Variants in CYRIA observed in about 807,000 individuals in gnomAD.
CYRIA encodes CYFIP related Rac1 interactor A, also known as CYFIP-related Rac1 interactor A.
CYRIA carries 15 observed loss-of-function variants against 43.9 expected under a neutral mutation model. The observed-to-expected ratio is 0.34, with a 90% CI of 0.23 to 0.53. The LOEUF (loss-of-function observed/expected upper bound fraction) is 0.53, where lower values mean the gene tolerates loss of function less well. Among genes scored for constraint, CYRIA ranks in the 20% least tolerant of loss-of-function variants. The pLI is 0.94. For synonymous variants in CYRIA, 117 were observed against 136.0 expected (o/e 0.86, Z 0.97); for missense variants, 236 against 394.2 (o/e 0.60, Z 3.40).
In CYRIA at chr2:16,551,590, G is replaced by A. The variant is rs527315964; in HGVS notation, c.*1346C>T. 6.6e-6 allele frequency: 1 copy of A among 152,128 alleles called. No homozygotes were observed. Among genetic ancestry groups the A allele is most frequent in the African/African-American group, 2.4e-5 (1 of 41,442 alleles). The allele number at this position is 152,128 out of a possible 1,614,324, so 9.4% of individuals were successfully genotyped here. A position where few individuals can be genotyped will look rare whatever the true frequency, so the allele number is the denominator to read the frequency against. On this transcript the variant is annotated 3_prime_UTR_variant, in exon 12 of 12. Coordinates refer to ENST00000381323, the MANE Select transcript of CYRIA (RefSeq NM_030797.4). Reference sequence around the variant, plus strand: ...GGAGGTCAGAATCAGAGATTTTCATGATTCCATTCGAACTAAGCTCTGATG... The same window carrying A: ...GGAGGTCAGAATCAGAGATTTTCATAATTCCATTCGAACTAAGCTCTGATG...
intron 3 of CYRIA, among the ~76,000 whole-genome samples, chr2:16,573,895 G>A (rs991454395): frequency 6.6e-6 from 1 of 152,036 alleles, no homozygotes; most frequent in Non-Finnish European, 1.5e-5. Context: ...GAACTAATAC[G>A]GTAAATTGGT....
At chr2:16,642,050 C>T (rs1411723338) in intron 1 of CYRIA, among the ~76,000 whole-genome samples, 1 of 152,194 alleles carries the variant, frequency 6.6e-6, no homozygotes, top group African/African-American at 2.4e-5. Context: ...TTAATATTGG[C>T]ACTTCCCAGG....
At chr2:16,648,756 A>G (rs1356410285) in intron 1 of CYRIA, among the ~76,000 whole-genome samples, 6 of 152,166 alleles carry the variant, frequency 3.9e-5, no homozygotes, top group South Asian at 4.1e-4. Flanking sequence ...TATCTACTAT[A>G]TATCAAGAAG....
At chr2:16,553,967 A>C (rs1459791467) in intron 11 of CYRIA, among the ~76,000 whole-genome samples, 2 of 152,166 alleles carry the variant, frequency 1.3e-5, no homozygotes, top group Admixed American at 1.3e-4. Context: ...AGGCTCTTAC[A>C]TTAATACTAA....
chr2:16,630,732 A>G (rs1004546875), intron 1 of CYRIA, among the ~76,000 whole-genome samples: 1 of 152,208 alleles, frequency 6.6e-6, no homozygotes, highest in African/African-American at 2.4e-5. Context: ...AAACCCAAGG[A>G]GACCAGCTTC....
intron 2 of CYRIA, among the ~76,000 whole-genome samples, chr2:16,603,169 C>A (rs1179676972): frequency 6.6e-6 from 1 of 152,164 alleles, no homozygotes; most frequent in Non-Finnish European, 1.5e-5. Flanking sequence ...CTGGACCCCG[C>A]CCCCTCCACT....
chr2:16,601,699 C>T (rs189497939), intron 2 of CYRIA, among the ~76,000 whole-genome samples: 6 of 135,676 alleles, frequency 4.4e-5, no homozygotes, highest in African/African-American at 1.8e-4. Flanking sequence ...TCTCTAGTCA[C>T]ATTTCCAGTT....
At chr2:16,577,164 A>G (rs1234184065) in intron 3 of CYRIA, among the ~76,000 whole-genome samples, 5 of 149,970 alleles carry the variant, frequency 3.3e-5, no homozygotes, top group Non-Finnish European at 7.4e-5. Context: ...ATCTCATGGT[A>G]AGTCTTCTTA....
intron 1 of CYRIA, among the ~76,000 whole-genome samples, chr2:16,636,418 C>T (rs1468905279): frequency 1.3e-5 from 2 of 152,184 alleles, no homozygotes; most frequent in African/African-American, 4.8e-5. Flanking sequence ...TAAATGACAA[C>T]TCACTCAGAT....
chr2:16,558,601 G>A (rs1666612477), intron 10 of CYRIA, among the ~76,000 whole-genome samples: 1 of 152,202 alleles, frequency 6.6e-6, no homozygotes, highest in African/African-American at 2.4e-5. Flanking sequence ...AAGAGGAGGT[G>A]TGCTTTATGC....
At chr2:16,593,248 T>C (rs935186230) in intron 2 of CYRIA, among the ~76,000 whole-genome samples, 1 of 152,178 alleles carries the variant, frequency 6.6e-6, no homozygotes, top group African/African-American at 2.4e-5. Context: ...TTTTTCAAGA[T>C]TGGTGTCCTA....
Position 16,561,066 on chromosome 2 carries a change from T to C in CYRIA, c.634A>G (p.Lys212Glu). The change falls in exon 9 of 12, where the codon AAA becomes GAA. Residue 212 changes from lysine to glutamate, a missense_variant. Lys to Glu is a moderately conservative substitution (Grantham distance 56). Coordinates refer to ENST00000381323, the MANE Select transcript of CYRIA (RefSeq NM_030797.4). ...GTGGTGTTCTCTATTGGCAGAGTTT[T>C]GTTCTAAATGGGAGACACAAATGTA... ...NATMHFVSEN[K>E]TLPIENTTDC... 6.2e-7 allele frequency: 1 copy of C among 1,613,760 alleles called. No individual in the cohort carries two copies. Among genetic ancestry groups the C allele is most frequent in the Non-Finnish European group, 8.5e-7 (1 of 1,179,750 alleles).
At chr2:16,583,632 A>G (rs2103450685) in intron 3 of CYRIA, among the ~76,000 whole-genome samples, 2 of 152,318 alleles carry the variant, frequency 1.3e-5, no homozygotes, top group South Asian at 2.1e-4. Flanking sequence ...TGGTTGCACA[A>G]TCTTGAGTAG....
chr2:16,629,986 C>A (rs531087859), intron 1 of CYRIA, among the ~76,000 whole-genome samples: 3 of 152,148 alleles, frequency 2.0e-5, no homozygotes, highest in African/African-American at 7.2e-5. Context: ...TAGTGACTAA[C>A]TGGGAGTGGC....
At chr2:16,577,028 G>A (rs912970934) in intron 3 of CYRIA, among the ~76,000 whole-genome samples, 3 of 152,148 alleles carry the variant, frequency 2.0e-5, no homozygotes, top group Admixed American at 2.0e-4. Context: ...AAAATGAGTA[G>A]TTGCTAATCA....
At chr2:16,602,324 A>C (rs1668242482) in intron 2 of CYRIA, among the ~76,000 whole-genome samples, 1 of 152,188 alleles carries the variant, frequency 6.6e-6, no homozygotes, top group African/African-American at 2.4e-5. Flanking sequence ...CAGATTGCCT[A>C]TAACAACATT....
At chr2:16,593,891 C>A (rs1292653385) in intron 2 of CYRIA, among the ~76,000 whole-genome samples, 6 of 139,414 alleles carry the variant, frequency 4.3e-5, no homozygotes, top group Non-Finnish European at 9.2e-5. Context: ...CCCGACCCCA[C>A]CACAGTCCCC....
chr2:16,606,879 A>C (rs1258923291), intron 2 of CYRIA, among the ~76,000 whole-genome samples: 1 of 152,306 alleles, frequency 6.6e-6, no homozygotes, highest in South Asian at 2.1e-4. Flanking sequence ...ATGTCAAAGC[A>C]AAGGAGCAAA....
At chr2:16,570,167 A>AT (rs1464552218) in intron 3 of CYRIA, among the ~76,000 whole-genome samples, 1 of 152,010 alleles carries the variant, frequency 6.6e-6, no homozygotes, top group Non-Finnish European at 1.5e-5. Flanking sequence ...ACTTTATTTT[A>AT]TTTTTTTAAA....
Sources: gnomAD v4.1 joint callset for allele counts (sites outside exome capture counted in the v4.1 genomes callset) on GRCh38, gnomAD v4.1.1 for gene constraint, MANE v1.5 for transcripts, NCBI Gene and HGNC (gene_info 2026-07-23, HGNC 2026-07-21) for gene names.